Variants in IGSF3 observed in about 807,000 individuals in gnomAD.
The protein encoded by IGSF3 is immunoglobulin superfamily member 3.
Under a neutral mutation model 114.4 loss-of-function variants are expected in IGSF3, and 23 were observed. The ratio of observed to expected loss-of-function variants is 0.20; its 90% CI spans 0.14 to 0.28. The LOEUF (loss-of-function observed/expected upper bound fraction) is 0.28. Among genes scored for constraint, IGSF3 ranks in the 10% least tolerant of loss-of-function variants. The pLI is 1.00. For missense variants in IGSF3, 1,172 were observed against 1,591.5 expected (o/e 0.74, Z 4.48); for synonymous variants, 571 against 645.2 (o/e 0.88, Z 1.74).
rs761730940 is a variant in IGSF3 at position 116,588,817 on chromosome 1, C to G, written c.2317G>C (p.Glu773Gln). Residue 773 changes from glutamate to glutamine, a missense_variant, in exon 8 of 11, where the codon GAG becomes CAG. Around this residue, in one of 3 missense-constraint regions of IGSF3, gnomAD observed 736 missense variants for 1,042.0 expected, o/e 0.71. Transcript: ENST00000369486. This position sits in a 1 kb window ranked among gnomAD's most constrained non-coding sequence, Gnocchi z 4.9. ...TAGTAGCTGCCGCTGTCGCTGACCT[C>G]GGCTCTCTGGACGGTGAGGCTGAAC... is the stretch of plus-strand genomic sequence containing the variant. ...GLFSLTVQRA[E>Q]VSDSGSYYCH... is the part of the protein sequence containing the mutation. The G allele has an allele frequency of 6.2e-7, 1 of 1,614,044 alleles. No homozygotes were observed. The highest frequency in any genetic ancestry group is 1.3e-5 in the African/African-American group (1 of 74,922).
Position 116,585,921 on chromosome 1 carries a change from G to C in IGSF3, c.2441-869C>G, listed in dbSNP as rs1313396050. Among the ~76,000 whole-genome samples, 1 of 152,154 alleles carries C rather than the reference G, an allele frequency of 6.6e-6. No homozygotes were observed. Among genetic ancestry groups the C allele is most frequent in the African/African-American group, 2.4e-5 (1 of 41,426 alleles). ...AAGAAAAAGAAAAAGAAAAAGAAAA[G>C]ATTGCTACTGATGGAACTGGGTGCT... On this transcript the variant is annotated intron_variant, in intron 8 of 10. Transcript: ENST00000369486. The surrounding 1 kb of genome is among the most constrained non-coding windows in gnomAD (Gnocchi z 4.9).
In IGSF3 at chr1:116,649,317, G is replaced by A. The variant is rs1490040898; in HGVS notation, c.43+16967C>T. ...AGTCACATGGCCCCAACTGAACTGTGAGGGAGGCTGGAAAATCTGGAGTAT... is the reference window on the plus strand; with the variant it reads ...AGTCACATGGCCCCAACTGAACTGTAAGGGAGGCTGGAAAATCTGGAGTAT... On this transcript the variant is annotated intron_variant, in intron 2 of 10. Transcript: ENST00000369486. This position sits in a 1 kb window ranked among gnomAD's most constrained non-coding sequence, Gnocchi z 4.5. Among the ~76,000 whole-genome samples, 2 of 152,220 alleles carry A rather than the reference G, an allele frequency of 1.3e-5. No homozygotes were observed. The highest frequency in any genetic ancestry group is 2.9e-5 in the Non-Finnish European group (2 of 68,046).
In IGSF3 at chr1:116,625,701, T is replaced by C. The variant is rs1185362220; in HGVS notation, c.44-9244A>G. 1.3e-5 allele frequency among the ~76,000 whole-genome samples: 2 copies of C among 152,218 alleles called. No individual in the cohort carries two copies. Among genetic ancestry groups the C allele is most frequent in the Non-Finnish European group, 2.9e-5 (2 of 68,042 alleles). ...ACAAGATGAGGGCCTGGCCTGGTTTTAAATCCAAGGACAAAAATATCATTC... is the reference window on the plus strand; with the variant it reads ...ACAAGATGAGGGCCTGGCCTGGTTTCAAATCCAAGGACAAAAATATCATTC... On this transcript the variant is annotated intron_variant, in intron 2 of 10. Transcript: ENST00000369486. The surrounding 1 kb of genome is among the most constrained non-coding windows in gnomAD (Gnocchi z 4.7).
In IGSF3 at chr1:116,663,892, T is replaced by A. The variant is rs1649222520; in HGVS notation, c.43+2392A>T. 3.9e-5 allele frequency among the ~76,000 whole-genome samples: 6 copies of A among 152,218 alleles called. No homozygotes were observed. The South Asian group carries it at 1.0e-3, about 26-fold the overall frequency. On this transcript the variant is annotated intron_variant, in intron 2 of 10. Coordinates refer to ENST00000369486, the MANE Select transcript of IGSF3 (RefSeq NM_001007237.3). ...AATTTTATTCCAGGCATGTGACCTATATGGGCTTAAAACCTTGGGATTCTT... is the reference window on the plus strand; with the variant it reads ...AATTTTATTCCAGGCATGTGACCTAAATGGGCTTAAAACCTTGGGATTCTT...
chr1:116,621,842 A>G (rs976294669), intron 2 of IGSF3, among the ~76,000 whole-genome samples: 1 of 152,202 alleles, frequency 6.6e-6, no homozygotes, highest in Non-Finnish European at 1.5e-5. Context: ...CCCATCCCAC[A>G]AATACATGAT....
chr1:116,600,551 A>G lies in IGSF3; in HGVS notation c.1625-206T>C, dbSNP rs532692611. ...CCAAGACTCCAAAGAAAGGCCCACC[A>G]CAATTCCCCCTGAGCAGCACTAGCC... On this transcript the variant is annotated intron_variant, in intron 6 of 10. Transcript: ENST00000369486. The surrounding 1 kb of genome is among the most constrained non-coding windows in gnomAD (Gnocchi z 5.5). Among the ~76,000 whole-genome samples, 449 of 151,752 alleles carry G rather than the reference A, an allele frequency of 3.0e-3. 3 individuals are homozygous for G. Among genetic ancestry groups the G allele is most frequent in the South Asian group, 5.6e-3 (27 of 4,806 alleles).
intron 2 of IGSF3, among the ~76,000 whole-genome samples, chr1:116,645,489 C>T (rs190183313): frequency 3.6e-4 from 55 of 152,286 alleles, no homozygotes; most frequent in Non-Finnish European, 3.8e-4. Flanking sequence ...TGGTGAGTTC[C>T]GTTGTATGTA....
chr1:116,637,745 A>G (rs1647899376), intron 2 of IGSF3, among the ~76,000 whole-genome samples: 2 of 152,348 alleles, frequency 1.3e-5, no homozygotes, highest in South Asian at 4.1e-4. Flanking sequence ...CCATCAGTCT[A>G]TCTCATCCAG....
chr1:116,608,026 C>T lies in IGSF3; in HGVS notation c.1138G>A (p.Glu380Lys), dbSNP rs1660859396. ...TCCCCGGTCACGGTTTTCTCTCGCT[C>T]AGTCACCCGGCAGTTGTATTTCCCG... ...DSGKYNCRVT[E>K]REKTVTGEFI... Residue 380 changes from glutamate to lysine, a missense_variant, in exon 5 of 11, where the codon GAG (glutamate) becomes AAG (lysine). Transcript: ENST00000369486. 1 of 1,613,948 alleles carries T rather than the reference C, an allele frequency of 6.2e-7. No individual in the cohort carries two copies. The highest frequency in any genetic ancestry group is 8.5e-7 in the Non-Finnish European group (1 of 1,179,830).
rs144511119 is a variant in IGSF3, at chr1:116,641,846, TTC to T, written c.43+24436_43+24437del. 2.6e-5 allele frequency among the ~76,000 whole-genome samples: 4 copies of T among 151,868 alleles called. No individual in the cohort carries two copies. The East Asian group carries it at 7.7e-4, about 29-fold the overall frequency. Reference sequence around the variant, plus strand: ...AGCACCTAATAAAGTGTTATCAGATTTCTTTCTTTTTTTTTTTTTTGAGACTG... The same window carrying T: ...AGCACCTAATAAAGTGTTATCAGATTTTTCTTTTTTTTTTTTTTGAGACTG... On this transcript the variant is annotated intron_variant, in intron 2 of 10. Coordinates refer to ENST00000369486, the MANE Select transcript of IGSF3 (RefSeq NM_001007237.3).
At position 116,648,387 on chromosome 1, in the gene IGSF3, G is replaced by T. The variant is rs999748987; in HGVS notation, c.43+17897C>A. On this transcript the variant is annotated intron_variant, in intron 2 of 10. Coordinates refer to ENST00000369486, the MANE Select transcript of IGSF3 (RefSeq NM_001007237.3). The surrounding 1 kb of genome is among the most constrained non-coding windows in gnomAD (Gnocchi z 4.7). ...TAGAGAAGAAACAGGATGCACGGGA[G>T]ATCACACACAGAGTAAGAGGTGCCT... is the stretch of plus-strand genomic sequence containing the variant. 3.9e-5 allele frequency among the ~76,000 whole-genome samples: 6 copies of T among 152,148 alleles called. No homozygotes were observed. Among genetic ancestry groups the T allele is most frequent in the Admixed American group, 1.3e-4 (2 of 15,286 alleles).
At chr1:116,659,509 A>G (rs1649021750) in intron 2 of IGSF3, among the ~76,000 whole-genome samples, 1 of 152,254 alleles carries the variant, frequency 6.6e-6, no homozygotes, top group Non-Finnish European at 1.5e-5. Flanking sequence ...ATTTCCTTAA[A>G]GTAAAAACCA....
Position 116,586,429 on chromosome 1 carries a change from A to G in IGSF3, c.2441-1377T>C, listed in dbSNP as rs900621471. 2.6e-5 allele frequency among the ~76,000 whole-genome samples: 4 copies of G among 151,906 alleles called. No homozygotes were observed. The East Asian group carries it at 7.7e-4, about 29-fold the overall frequency. ...TGTATGTATTTTCCAAAAGCTCTGTAAGTGTAGGCTTTCTCAGCAGGGAAA... is the reference window on the plus strand; with the variant it reads ...TGTATGTATTTTCCAAAAGCTCTGTGAGTGTAGGCTTTCTCAGCAGGGAAA... On this transcript the variant is annotated intron_variant, in intron 8 of 10. Transcript: ENST00000369486.
rs655735 is a variant in IGSF3, at chr1:116,592,497, G to A, written c.2030-3393C>T. Among the ~76,000 whole-genome samples the A allele has an allele frequency of 0.31, 46,860 of 152,034 alleles. 8,727 individuals are homozygous for A. Among genetic ancestry groups the A allele is most frequent in the Non-Finnish European group, 0.4 (27,473 of 67,964 alleles). The stretch of plus-strand genomic sequence containing the variant: ...TTCCCAGGCTTGTGATTAAAACTTG[G>A]AAGATCTGTGTTTTGTATGGTAGGA... On this transcript the variant is annotated intron_variant, in intron 7 of 10. Coordinates refer to ENST00000369486, the MANE Select transcript of IGSF3 (RefSeq NM_001007237.3). This position sits in a 1 kb window ranked among gnomAD's most constrained non-coding sequence, Gnocchi z 4.5.
rs1216572000 is a variant in IGSF3, at chr1:116,657,779, T to G, written c.43+8505A>C. Among the ~76,000 whole-genome samples the G allele has an allele frequency of 6.6e-6, 1 of 152,148 alleles. No individual in the cohort carries two copies. The highest frequency in any genetic ancestry group is 2.4e-5 in the African/African-American group (1 of 41,422). ...TGCTATCAAAAAGGAGGCCGCAGAC[T>G]GCATTCTGAAGCATCAGACAATGGG... On this transcript the variant is annotated intron_variant, in intron 2 of 10. Transcript: ENST00000369486. This position sits in a 1 kb window ranked among gnomAD's most constrained non-coding sequence, Gnocchi z 4.2.
chr1:116,603,455 A>G lies in IGSF3; in HGVS notation c.1624+169T>C, dbSNP rs1040271599. ...TGCTAGCACTATCTTAATTAATTAA[A>G]CCCTTATAAGAAATAAAATAGACAT... is the stretch of plus-strand genomic sequence containing the variant. On this transcript the variant is annotated intron_variant, in intron 6 of 10. Coordinates refer to ENST00000369486, the MANE Select transcript of IGSF3 (RefSeq NM_001007237.3). This position sits in a 1 kb window ranked among gnomAD's most constrained non-coding sequence, Gnocchi z 7.1. Among the ~76,000 whole-genome samples the G allele has an allele frequency of 2.0e-5, 3 of 152,188 alleles. No individual in the cohort carries two copies. The highest frequency in any genetic ancestry group is 7.2e-5 in the African/African-American group (3 of 41,438).
At chr1:116,660,479 CTTTTTTTTTTT>C (rs71274759) in intron 2 of IGSF3, among the ~76,000 whole-genome samples, 2 of 99,742 alleles carry the variant, frequency 2.0e-5, no homozygotes, top group East Asian at 6.0e-4. Context: ...GTATGCTTTT[CTTTTTTTTTTT>C]TTTTTTTTTT....
chr1:116,666,408 T>A lies in IGSF3; in HGVS notation c.-82A>T. On this transcript the variant is annotated 5_prime_UTR_variant, in exon 2 of 11. Transcript: ENST00000369486. ...TCTCTCATTTCTGGCAATCCACTTA[T>A]AGCTCCAGAGAACAGTTTTGGAAAT... 7.8e-7 allele frequency: 1 copy of A among 1,274,018 alleles called. No homozygotes were observed. The highest frequency in any genetic ancestry group is 1.1e-6 in the Non-Finnish European group (1 of 869,824). 78.9% of individuals were successfully genotyped at this position (1,274,018 alleles called of 1,614,324 possible).
rs532521952 is a variant in IGSF3 at position 116,627,241 on chromosome 1, C to T, written c.44-10784G>A. On this transcript the variant is annotated intron_variant, in intron 2 of 10. Coordinates refer to ENST00000369486, the MANE Select transcript of IGSF3 (RefSeq NM_001007237.3). This position sits in a 1 kb window ranked among gnomAD's most constrained non-coding sequence, Gnocchi z 4.7. ...GAGTTCCAGTAAAAGGACCATCACT[C>T]GAACCAGTAAGTGCCTCATTCCTTC... 3.7e-4 allele frequency among the ~76,000 whole-genome samples: 56 copies of T among 152,268 alleles called. No homozygotes were observed. Among genetic ancestry groups the T allele is most frequent in the African/African-American group, 1.3e-3 (54 of 41,542 alleles).
Sources: gnomAD v4.1 joint callset for allele counts (sites outside exome capture counted in the v4.1 genomes callset) on GRCh38, gnomAD v4.1.1 for gene constraint, gnomAD v4.1.1 regional missense constraint, Gnocchi (gnomAD v3.1) non-coding constraint, MANE v1.5 for transcripts, NCBI Gene and HGNC (gene_info 2026-07-23, HGNC 2026-07-21) for gene names.